Variants in RAB17 observed in about 807,000 individuals in gnomAD.
The protein encoded by RAB17 is ras-related protein Rab-17.
RAB17 carries 15 observed loss-of-function variants against 19.3 expected under a neutral mutation model. That is an observed-to-expected ratio of 0.78 (90% CI 0.52 to 1.20). The LOEUF (loss-of-function observed/expected upper bound fraction) is 1.20, where lower values mean the gene tolerates loss of function less well. Among genes scored for constraint, RAB17 ranks in the 50% most tolerant of loss-of-function variants. The probability of loss-of-function intolerance (pLI) is 0.00; values close to 1 mark genes in which losing one functional copy is unlikely to be tolerated. For synonymous variants in RAB17, 110 were observed against 112.8 expected (o/e 0.97, Z 0.16); for missense variants, 262 against 269.3 (o/e 0.97, Z 0.19).
At chr2:237,577,911 C>G in intron 3 of RAB17, 93 bp downstream of exon 3, 1 of 1,411,598 alleles carries the variant, frequency 7.1e-7, no homozygotes, top group East Asian at 2.3e-5. Context: ...AGTCTCTGTT[C>G]CTTGTGATTA....
chr2:237,577,443 G>A (rs987965368), intron 3 of RAB17, 61 bp from the exon 4 acceptor site: 52 of 1,527,548 alleles, frequency 3.4e-5, no homozygotes, highest in African/African-American at 3.3e-4. Flanking sequence ...TAGCTATTCC[G>A]GGAGGGGGAA....
In RAB17 at chr2:237,577,305, C is replaced by G. The variant is rs2081273091; in HGVS notation, c.387G>C (p.Leu129=). Residue 129 remains leucine, a synonymous_variant, in exon 4 of 6, where the codon CTG becomes CTC. Coordinates refer to ENST00000264601, the MANE Select transcript of RAB17 (RefSeq NM_022449.4). ...GGCTGAGGTCCGTCTTGTTGCCCAC[C>G]AGCATCACCAGGACTTCTCCTGGGT... ...ELHPGEVLVM[L]VGNKTDLSQE... The G allele has an allele frequency of 1.9e-6, 3 of 1,613,958 alleles. No homozygotes were observed. The highest frequency in any genetic ancestry group is 1.7e-6 in the Non-Finnish European group (2 of 1,179,936).
intron 2 of RAB17, among the ~76,000 whole-genome samples, chr2:237,584,675 C>A (rs2081334612): frequency 6.6e-6 from 1 of 152,204 alleles, no homozygotes; most frequent in South Asian, 2.1e-4. Context: ...TGCTGCCTCT[C>A]TCTGCATCTT....
At position 237,577,242 on chromosome 2, in the gene RAB17, T is replaced by C. The variant is rs1329818138; in HGVS notation, c.435+15A>G. ...CCTGCTGTGGAAGAGCAGAGCAGGG[T>C]CTCCTGGGCGGTACCTGGAAGGTCA... On this transcript the variant is annotated intron_variant, in intron 4 of 5. Coordinates refer to ENST00000264601, the MANE Select transcript of RAB17 (RefSeq NM_022449.4). 2.5e-6 allele frequency: 4 copies of C among 1,605,650 alleles called. No individual in the cohort carries two copies. Among genetic ancestry groups the C allele is most frequent in the Non-Finnish European group, 3.4e-6 (4 of 1,176,044 alleles).
chr2:237,575,290 A>T, intron 5 of RAB17, 97 bp downstream of exon 5: 1 of 1,111,940 alleles, frequency 9.0e-7, no homozygotes, highest in Non-Finnish European at 1.3e-6. Context: ...CCCTAAAGAC[A>T]TTCTATGGGA....
At chr2:237,578,900 A>AACACACACACACACACACAC (rs59320284) in intron 2 of RAB17, 5 of 143,128 alleles carry the variant, frequency 3.5e-5, no homozygotes, top group African/African-American at 1.0e-4. Flanking sequence ...GTACCTGCTT[A>AACACACACACACACACACAC]ACACACACAC....
At chr2:237,578,900 A>ACACAC (rs2081287283) in intron 2 of RAB17, 1 of 143,128 alleles carries the variant, frequency 7.0e-6, no homozygotes, top group Non-Finnish European at 1.5e-5. Flanking sequence ...GTACCTGCTT[A>ACACAC]ACACACACAC....
chr2:237,580,140 A>T (rs746166220), intron 2 of RAB17, among the ~76,000 whole-genome samples: 1 of 152,220 alleles, frequency 6.6e-6, no homozygotes, highest in Non-Finnish European at 1.5e-5. Flanking sequence ...CAGCTTCCTC[A>T]TCCATAGCAG....
At chr2:237,578,934 C>T (rs2081287814) in intron 2 of RAB17, 1 of 148,964 alleles carries the variant, frequency 6.7e-6, no homozygotes. Flanking sequence ...CACACACACA[C>T]ACACACAACT....
intron 1 of RAB17, among the ~76,000 whole-genome samples, chr2:237,589,667 C>T (rs2081377899): frequency 6.6e-6 from 1 of 152,168 alleles, no homozygotes; most frequent in Non-Finnish European, 1.5e-5. Context: ...GCACCTGACC[C>T]CCACCTCCAG....
intron 4 of RAB17, chr2:237,575,694 G>A (rs2081257000): frequency 3.8e-6 from 2 of 530,044 alleles, no homozygotes; most frequent in Non-Finnish European, 6.8e-6. Flanking sequence ...TCCTCTAGCT[G>A]GCGGGGTGCG....
rs776976336 is a variant in RAB17, at chr2:237,586,122, C to G, written c.33G>C (p.Arg11Ser). The G allele has an allele frequency of 1.9e-6, 3 of 1,610,364 alleles. No individual in the cohort carries two copies. The highest frequency in any genetic ancestry group is 3.4e-5 in the Admixed American group (2 of 59,406). The change falls in exon 2 of 6, where the codon AGG becomes AGC. Residue 11 changes from arginine (R) to serine (S), a missense_variant. Physicochemically the swap from Arg to Ser is moderately radical, Grantham distance 110. Coordinates refer to ENST00000264601, the MANE Select transcript of RAB17 (RefSeq NM_022449.4). ...ACACACGGGGCTGGCTGGGGGCAGC[C>G]CTGGGCTGGGGGGTCCTGTGTGCCT... is the stretch of plus-strand genomic sequence containing the variant. MAQAHRTPQP[R>S]AAPSQPRVFK...
intron 2 of RAB17, among the ~76,000 whole-genome samples, chr2:237,581,592 T>C (rs555058851): frequency 1.2e-4 from 18 of 152,150 alleles, no homozygotes; most frequent in Non-Finnish European, 2.4e-4. Flanking sequence ...GTGGTTTTGC[T>C]TTTTTTACCT....
At chr2:237,587,479 C>T (rs1257275957) in intron 1 of RAB17, among the ~76,000 whole-genome samples, 5 of 152,176 alleles carry the variant, frequency 3.3e-5, no homozygotes, top group Non-Finnish European at 7.3e-5. Flanking sequence ...CACATGCCCT[C>T]ACTGCCGCCA....
Position 237,575,371 on chromosome 2 carries a change from CG to C in RAB17, c.529+15del. On this transcript the variant is annotated intron_variant, in intron 5 of 5. Coordinates refer to ENST00000264601, the MANE Select transcript of RAB17 (RefSeq NM_022449.4). The stretch of plus-strand genomic sequence containing the variant: ...AAGCACCTCCCCCTTGTCTGGCCCA[CG>C]GGGACGTGACTCACCCACTGTATTG... 1 of 1,593,468 alleles carries C rather than the reference CG, an allele frequency of 6.3e-7. No individual in the cohort carries two copies. Among genetic ancestry groups the C allele is most frequent in the East Asian group, 2.3e-5 (1 of 44,422 alleles).
At chr2:237,584,438 C>T (rs1396919379) in intron 2 of RAB17, among the ~76,000 whole-genome samples, 11 of 152,110 alleles carry the variant, frequency 7.2e-5, no homozygotes, top group African/African-American at 2.7e-4. Flanking sequence ...TTTTACTGGC[C>T]ATGGGGTCAC....
chr2:237,579,553 C>T (rs565311568), intron 2 of RAB17: 1 of 152,328 alleles, frequency 6.6e-6, no homozygotes, highest in African/African-American at 2.4e-5. Context: ...GTCCTCTCCC[C>T]TTCTTATAAG....
chr2:237,580,254 T>C (rs2081298092), intron 2 of RAB17, among the ~76,000 whole-genome samples: 1 of 152,228 alleles, frequency 6.6e-6, no homozygotes, highest in East Asian at 1.9e-4. Context: ...TTGCTCTTTG[T>C]GGACTTGTTG....
At chr2:237,576,545 C>A (rs1347674456) in intron 4 of RAB17, 1 of 470,510 alleles carries the variant, frequency 2.1e-6, no homozygotes, top group African/African-American at 2.0e-5. Flanking sequence ...CTCTCCACAG[C>A]CTCCATTGAA....
Sources: allele counts gnomAD v4.1 joint callset (sites outside exome capture counted in the v4.1 genomes callset), GRCh38; gene constraint gnomAD v4.1.1; transcripts MANE v1.5; gene names NCBI Gene and HGNC (gene_info 2026-07-23, HGNC 2026-07-21).